SYTL5: variants seen among roughly 807,000 people sequenced by gnomAD.
SYTL5 encodes the protein synaptotagmin-like protein 5.
A neutral mutation model predicts 55.9 loss-of-function variants in SYTL5; 34 were observed. That is an observed-to-expected ratio of 0.61 (90% CI 0.46 to 0.81). SYTL5 has a LOEUF of 0.81. Ranked by LOEUF, SYTL5 falls within the 30% of genes least tolerant of loss-of-function variation. The probability of loss-of-function intolerance (pLI) is 0.00; values close to 1 mark genes in which losing one functional copy is unlikely to be tolerated. For missense variants in SYTL5, 637 were observed against 546.7 expected, an observed-to-expected ratio of 1.17 and a Z score of -1.65; for synonymous variants, 221 against 188.7, an observed-to-expected ratio of 1.17 and a Z score of -1.40.
At chrX:38,113,965 G>T (rs1450167916) in intron 13 of SYTL5, among the ~76,000 whole-genome samples, 1 of 111,496 alleles carries the variant, frequency 9.0e-6, no homozygotes, top group Non-Finnish European at 1.9e-5. Context: ...CATCTCCAGA[G>T]TACCCCTATG....
chrX:37,937,801 ATGT>A, the SYTL5 span, among the ~76,000 whole-genome samples: 5 of 112,432 alleles, frequency 4.4e-5, no homozygotes, highest in African/African-American at 6.5e-5. Context: ...AGCTACACAG[ATGT>A]TGTATATAAA....
chrX:37,983,214 T>A, the SYTL5 span, among the ~76,000 whole-genome samples: 1,764 of 111,640 alleles, frequency 0.016, 33 homozygotes, highest in African/African-American at 0.051. Context: ...TGCAAATGGA[T>A]TAAACAGTCC....
chrX:38,034,278 C>T (rs781522288), intron 2 of SYTL5, among the ~76,000 whole-genome samples: 175 of 112,448 alleles, frequency 1.6e-3, no homozygotes, highest in African/African-American at 5.3e-3. Flanking sequence ...GGAAGGACTA[C>T]CTAAGTTTGA....
At chrX:37,953,622 G>GA in the SYTL5 span, among the ~76,000 whole-genome samples, 10 of 107,710 alleles carry the variant, frequency 9.3e-5, no homozygotes, top group Admixed American at 3.0e-4. Context: ...TCCAAAACCA[G>GA]AAAAAAAAAG....
chrX:37,976,821 C>T, the SYTL5 span, among the ~76,000 whole-genome samples: 1 of 104,138 alleles, frequency 9.6e-6, no homozygotes, highest in Admixed American at 1.0e-4. Flanking sequence ...AAAAAAAGAG[C>T]TAGGTGTGGT....
chrX:38,054,624 G>C (rs1160727872), intron 3 of SYTL5, among the ~76,000 whole-genome samples: 5 of 107,404 alleles, frequency 4.7e-5, no homozygotes, highest in African/African-American at 1.7e-4. Flanking sequence ...GAGAGAGAGA[G>C]AGAGAGAGAG....
At chrX:37,996,807 A>T in the SYTL5 span, among the ~76,000 whole-genome samples, 1 of 110,548 alleles carries the variant, frequency 9.0e-6, no homozygotes, top group African/African-American at 3.3e-5. Context: ...AGATGGCCTG[A>T]CTCCTTAGAG....
intron 13 of SYTL5, among the ~76,000 whole-genome samples, chrX:38,118,952 C>CATATATATATATAT (rs36070047): frequency 1.2e-4 from 11 of 89,718 alleles, no homozygotes; most frequent in African/African-American, 4.9e-4. Context: ...TACGCATATA[C>CATATATATATATAT]ATATATATAT....
At chrX:38,003,114 T>C (rs1309371004), upstream of SYTL5, among the ~76,000 whole-genome samples, 1 of 112,041 alleles carries the variant, frequency 8.9e-6, no homozygotes, top group Non-Finnish European at 1.9e-5. Flanking sequence ...GCACCATTTA[T>C]CAAATAGGGA....
the SYTL5 span, among the ~76,000 whole-genome samples, chrX:37,891,805 C>T: frequency 1.8e-5 from 2 of 111,117 alleles, no homozygotes; most frequent in African/African-American, 6.5e-5. Flanking sequence ...GGCCTCTTGG[C>T]AATGCTTTGC....
Position 38,094,293 on chromosome X carries a change from AGGAGTAT to A in SYTL5, c.833_839del (p.Glu278ValfsTer32). ...TTTTTCTCATTTTTACTTTGTGGGA[AGGAGTAT>A]GGTTTTGAAAATTCCATGGATTTGG... is the stretch of plus-strand genomic sequence containing the variant. On this transcript the variant is annotated splice_acceptor_variant and coding_sequence_variant, in exon 8 of 17. Coordinates refer to ENST00000297875, the MANE Select transcript of SYTL5 (RefSeq NM_138780.3). LOFTEE classifies it high-confidence loss of function. The A allele has an allele frequency of 8.4e-7, 1 of 1,191,521 alleles. No individual in the cohort carries two copies. The highest frequency in any genetic ancestry group is 1.1e-6 in the Non-Finnish European group (1 of 880,983).
chrX:37,925,146 A>C, the SYTL5 span, among the ~76,000 whole-genome samples: 1 of 111,548 alleles, frequency 9.0e-6, no homozygotes, highest in African/African-American at 3.3e-5. Context: ...ATTTCACTTA[A>C]CGTGATGACT....
chrX:38,025,370 C>T (rs915302880), intron 1 of SYTL5, among the ~76,000 whole-genome samples: 1 of 112,009 alleles, frequency 8.9e-6, no homozygotes, highest in Non-Finnish European at 1.9e-5. Flanking sequence ...CAAATATCGG[C>T]CCCTATTATT....
the SYTL5 span, among the ~76,000 whole-genome samples, chrX:37,927,781 C>T: frequency 9.1e-6 from 1 of 110,259 alleles, no homozygotes; most frequent in Non-Finnish European, 1.9e-5. Flanking sequence ...GTCTCAAAAA[C>T]AAAACAAAAC....
At chrX:37,990,565 A>G in the SYTL5 span, among the ~76,000 whole-genome samples, 2 of 112,359 alleles carry the variant, frequency 1.8e-5, no homozygotes, top group Admixed American at 9.4e-5. Context: ...TGTCAAAATC[A>G]GGTAGAGAGT....
chrX:37,931,477 C>T, the SYTL5 span, among the ~76,000 whole-genome samples: 3 of 111,664 alleles, frequency 2.7e-5, no homozygotes, highest in Non-Finnish European at 5.7e-5. Flanking sequence ...AAAAGGCTTT[C>T]CCTGACCATT....
rs1265722083 is a variant in SYTL5 at position 38,122,275 on chromosome X, C to G, written c.1841+60C>G. On this transcript the variant is annotated intron_variant, in intron 15 of 16. Transcript: ENST00000297875. ...AATAGGAGATGAAAGGATCTGTGAT[C>G]CACAAGCCACTGGTGGCTGTGAGCC... 3 of 1,055,407 alleles carry G rather than the reference C, an allele frequency of 2.8e-6. No individual in the cohort carries two copies. The African/African-American group carries it at 5.6e-5, about 20-fold the overall frequency. The allele number at this position is 1,055,407 out of a possible 1,213,427, so 87.0% of individuals were successfully genotyped here.
chrX:38,089,786 A>T (rs1230160480), intron 7 of SYTL5, among the ~76,000 whole-genome samples, 199 bp downstream of exon 7: 1 of 111,886 alleles, frequency 8.9e-6, no homozygotes, highest in African/African-American at 3.3e-5. Flanking sequence ...TCTCGTGAGA[A>T]CTCACCATCA....
the SYTL5 span, among the ~76,000 whole-genome samples, chrX:37,953,277 T>C: frequency 1.8e-5 from 2 of 111,557 alleles, no homozygotes; most frequent in Non-Finnish European, 3.8e-5. Context: ...ATGAGTCTGG[T>C]TGAAATCATC....
Sources: allele counts gnomAD v4.1 joint callset (sites outside exome capture counted in the v4.1 genomes callset), GRCh38; gene constraint gnomAD v4.1.1; transcripts MANE v1.5; gene names NCBI Gene and HGNC (gene_info 2026-07-23, HGNC 2026-07-21).